The following OTUD3 variants were observed in gnomAD, a reference collection of about 807,000 sequenced individuals.
The protein encoded by OTUD3 is OTU domain-containing protein 3.
OTUD3 carries 24 observed loss-of-function variants against 46.2 expected under a neutral mutation model. The observed-to-expected ratio is 0.52, with a 90% CI of 0.38 to 0.73. The LOEUF (loss-of-function observed/expected upper bound fraction) is 0.73, where lower values mean the gene tolerates loss of function less well. OTUD3 is among the 30% of genes least tolerant of loss of function. The pLI, the probability that OTUD3 is intolerant of heterozygous loss-of-function variation, is 0.00. For synonymous variants in OTUD3, 189 were observed against 195.4 expected, an observed-to-expected ratio of 0.97 and a Z score of 0.27; for missense variants, 455 against 523.3, an observed-to-expected ratio of 0.87 and a Z score of 1.27.
chr1:19,897,022 G>A (rs532711056), intron 3 of OTUD3, among the ~76,000 whole-genome samples: 1 of 152,314 alleles, frequency 6.6e-6, no homozygotes, highest in Non-Finnish European at 1.5e-5. Context: ...TTTAACGAAA[G>A]GGGTGGATTT....
chr1:19,906,013 G>A lies in OTUD3; in HGVS notation c.836-419G>A, dbSNP rs533598414. Among the ~76,000 whole-genome samples the A allele has an allele frequency of 1.7e-4, 26 of 152,302 alleles. No homozygotes were observed. The South Asian group carries it at 3.5e-3, about 21-fold the overall frequency. The stretch of plus-strand genomic sequence containing the variant: ...ACCTGCCACATGAGCAATGAGACTG[G>A]AGAGCTACGTTTTAAATGTTGTTTA... On this transcript the variant is annotated intron_variant, in intron 6 of 7. Transcript: ENST00000375120.
chr1:19,906,613 A>G lies in OTUD3; in HGVS notation c.1017A>G (p.Ala339=). The G allele has an allele frequency of 3.1e-6, 5 of 1,606,596 alleles. No individual in the cohort carries two copies. Among genetic ancestry groups the G allele is most frequent in the Non-Finnish European group, 4.2e-6 (5 of 1,176,522 alleles). The change falls in exon 7 of 8, where the codon GCA becomes GCG. Residue 339 remains alanine, a synonymous_variant. Transcript: ENST00000375120. ...ACAAAGCAAATAAAAACCAGCTCGC[A>G]AAGGTATGTAAGATGGGGTTGAATG... ...EENKANKNQL[A]KVTNKQRREQ...
chr1:19,889,211 T>C (rs2045413771), intron 1 of OTUD3, among the ~76,000 whole-genome samples: 1 of 152,234 alleles, frequency 6.6e-6, no homozygotes, highest in Non-Finnish European at 1.5e-5. Context: ...TTCCACTCCT[T>C]CTAGAATCTT....
intron 3 of OTUD3, among the ~76,000 whole-genome samples, chr1:19,896,439 CTG>C (rs1557677837): frequency 6.6e-6 from 1 of 152,018 alleles, no homozygotes; most frequent in African/African-American, 2.4e-5. Flanking sequence ...TTCTAATAAA[CTG>C]TTTACTTTCC....
At chr1:19,894,667 C>A (rs2045493153) in intron 3 of OTUD3, among the ~76,000 whole-genome samples, 187 bp downstream of exon 3, 1 of 152,126 alleles carries the variant, frequency 6.6e-6, no homozygotes, top group Admixed American at 6.6e-5. Context: ...CAAATGGAGT[C>A]CGGAGTATAA....
chr1:19,895,573 AC>A (rs2045507340), intron 3 of OTUD3, among the ~76,000 whole-genome samples: 2 of 152,214 alleles, frequency 1.3e-5, no homozygotes, highest in South Asian at 4.1e-4. Flanking sequence ...AAACTATGCT[AC>A]AACAAAGTAA....
intron 3 of OTUD3, among the ~76,000 whole-genome samples, chr1:19,894,690 T>C (rs1479835802): frequency 1.3e-5 from 2 of 152,230 alleles, no homozygotes; most frequent in Non-Finnish European, 2.9e-5. Context: ...TAGAAATCTT[T>C]TAAAATGCTA....
At chr1:19,896,777 G>A (rs897823891) in intron 3 of OTUD3, among the ~76,000 whole-genome samples, 1 of 152,158 alleles carries the variant, frequency 6.6e-6, no homozygotes, top group African/African-American at 2.4e-5. Context: ...GTTTTATTTG[G>A]GGTACGCCCA....
chr1:19,911,565 T>G lies in OTUD3; in HGVS notation c.*3819T>G, dbSNP rs1349329937. 1.3e-5 allele frequency: 2 copies of G among 151,970 alleles called. No homozygotes were observed. The highest frequency in any genetic ancestry group is 3.9e-4 in the East Asian group (2 of 5,168). 9.4% of individuals were successfully genotyped at this position (151,970 alleles called of 1,614,324 possible). On this transcript the variant is annotated 3_prime_UTR_variant, in exon 8 of 8. Coordinates refer to ENST00000375120, the MANE Select transcript of OTUD3 (RefSeq NM_015207.2). ...CCACCATGCTTGGCTAATTTTTGTA[T>G]TTTTAGTAGAGACGGGGTTTCACCA...
Position 19,906,436 on chromosome 1 carries a change from A to G in OTUD3, c.840A>G (p.Ala280=), listed in dbSNP as rs1459884224. The G allele has an allele frequency of 8.7e-6, 14 of 1,613,770 alleles. No individual in the cohort carries two copies. Among genetic ancestry groups the G allele is most frequent in the Non-Finnish European group, 1.1e-5 (13 of 1,179,756 alleles). Residue 280 remains alanine (A), a synonymous_variant, in exon 7 of 8, where the codon GCA becomes GCG. Transcript: ENST00000375120. The stretch of plus-strand genomic sequence containing the variant: ...TGAAATGTCTTTCTTTGGAAGATGC[A>G]GAAGAGAATCTTGAGCCCAGTGGTC... ...LRMNQGKRNN[A]EENLEPSGRV...
At chr1:19,883,928 T>G (rs1267050076) in intron 1 of OTUD3, among the ~76,000 whole-genome samples, 2 of 152,240 alleles carry the variant, frequency 1.3e-5, no homozygotes, top group East Asian at 3.8e-4. Flanking sequence ...CAGATTGGAT[T>G]TCTTTTTGCT....
At chr1:19,887,502 A>G (rs962986668) in intron 1 of OTUD3, among the ~76,000 whole-genome samples, 1 of 152,204 alleles carries the variant, frequency 6.6e-6, no homozygotes, top group Non-Finnish European at 1.5e-5. Context: ...GTTAGCAACC[A>G]CTATTAAACA....
At position 19,908,854 on chromosome 1, in the gene OTUD3, C is replaced by T. The variant is rs1476530142; in HGVS notation, c.*1108C>T. The T allele has an allele frequency of 6.6e-6, 1 of 152,270 alleles. No homozygotes were observed. Among genetic ancestry groups the T allele is most frequent in the Admixed American group, 6.6e-5 (1 of 15,260 alleles). The allele number at this position is 152,270 out of a possible 1,614,324, so 9.4% of individuals were successfully genotyped here. A position where few individuals can be genotyped will look rare whatever the true frequency, so the allele number is the denominator to read the frequency against. ...TGGCATTTCAAAGTTGGGAAAACTC[C>T]AGCATCTGCTGGAAGTTGTTGGACC... On this transcript the variant is annotated 3_prime_UTR_variant, in exon 8 of 8. Transcript: ENST00000375120.
At chr1:19,889,195 T>C (rs2045412950) in intron 1 of OTUD3, among the ~76,000 whole-genome samples, 1 of 152,108 alleles carries the variant, frequency 6.6e-6, no homozygotes, top group Admixed American at 6.6e-5. Context: ...CCTACAGAAC[T>C]CTATATTCCA....
At position 19,911,876 on chromosome 1, in the gene OTUD3, G is replaced by A. The variant is rs1177601044; in HGVS notation, c.*4130G>A. The A allele has an allele frequency of 6.6e-6, 1 of 152,352 alleles. No individual in the cohort carries two copies. The highest frequency in any genetic ancestry group is 2.4e-5 in the African/African-American group (1 of 41,452). 9.4% of individuals were successfully genotyped at this position (152,352 alleles called of 1,614,324 possible). ...CACCGCTGATGGGGACCTCCGGAAA[G>A]AGCGGTGCCTTGTGGTTGGCCTGGA... On this transcript the variant is annotated 3_prime_UTR_variant, in exon 8 of 8. Transcript: ENST00000375120.
At chr1:19,899,544 T>G (rs1265421240) in intron 4 of OTUD3, among the ~76,000 whole-genome samples, 1 of 152,246 alleles carries the variant, frequency 6.6e-6, no homozygotes, top group African/African-American at 2.4e-5. Context: ...TTAGGTGGTT[T>G]CTAACCCTTT....
chr1:19,887,654 G>A (rs900380646), intron 1 of OTUD3, among the ~76,000 whole-genome samples: 4 of 152,064 alleles, frequency 2.6e-5, no homozygotes, highest in Non-Finnish European at 5.9e-5. Context: ...CCAGGTTTTC[G>A]TTTTATTATA....
intron 4 of OTUD3, among the ~76,000 whole-genome samples, chr1:19,900,068 TTTACATAGTTAAATTTG>T (rs1475502506): frequency 5.0e-4 from 76 of 152,312 alleles, no homozygotes; most frequent in African/African-American, 1.8e-3. Context: ...ATTTTAGATT[TTTACATAGTTAAATTTG>T]TTACGATTTT....
chr1:19,907,503 C>A lies in OTUD3; in HGVS notation c.1021-67C>A, dbSNP rs147992629. On this transcript the variant is annotated intron_variant, in intron 7 of 7. Transcript: ENST00000375120. Reference sequence around the variant, plus strand: ...CAATCTGTGCCCTTTGCCACCATCTCCCTTCTAGCAGGTGGCAGCTTGAGT... The same window carrying A: ...CAATCTGTGCCCTTTGCCACCATCTACCTTCTAGCAGGTGGCAGCTTGAGT... 7 of 1,486,240 alleles carry A rather than the reference C, an allele frequency of 4.7e-6. No individual in the cohort carries two copies. In the East Asian group the frequency reaches 1.6e-4, roughly 34 times the overall value. The allele number at this position is 1,486,240 out of a possible 1,614,324, so 92.1% of individuals were successfully genotyped here. A position where few individuals can be genotyped will look rare whatever the true frequency, so the allele number is the denominator to read the frequency against.
Sources: gnomAD v4.1 joint callset for allele counts (sites outside exome capture counted in the v4.1 genomes callset) on GRCh38, gnomAD v4.1.1 for gene constraint, MANE v1.5 for transcripts, NCBI Gene and HGNC (gene_info 2026-07-23, HGNC 2026-07-21) for gene names.